EPHX2: variants seen among roughly 807,000 people sequenced by gnomAD.
The protein encoded by EPHX2 is epoxide hydrolase 2, also known as bifunctional epoxide hydrolase 2.
In EPHX2, 74 loss-of-function variants were observed where a neutral mutation model predicts 78.7. The observed-to-expected ratio is 0.94, with a 90% confidence interval of 0.78 to 1.14. EPHX2 has a LOEUF of 1.14. Ranked by LOEUF, EPHX2 falls within the 50% of genes most tolerant of loss-of-function variation. The pLI, the probability that EPHX2 is intolerant of heterozygous loss-of-function variation, is 0.00. For missense variants in EPHX2, 715 were observed against 702.5 expected, an observed-to-expected ratio of 1.02 and a Z score of -0.20; for synonymous variants, 251 against 255.2, an observed-to-expected ratio of 0.98 and a Z score of 0.16.
intron 6 of EPHX2, chr8:27,512,186 T>C (rs1240033861): frequency 5.1e-6 from 2 of 395,508 alleles, no homozygotes; most frequent in Non-Finnish European, 9.3e-6. Flanking sequence ...GGAAATGTTA[T>C]TTCCCACAAA....
At chr8:27,533,941 T>A (rs1815127781) in intron 12 of EPHX2, among the ~76,000 whole-genome samples, 1 of 152,178 alleles carries the variant, frequency 6.6e-6, no homozygotes, top group Non-Finnish European at 1.5e-5. Context: ...AAAGGATCAT[T>A]TGAGGCAAAG....
At chr8:27,515,990 G>A (rs761006553) in intron 7 of EPHX2, among the ~76,000 whole-genome samples, 177 bp downstream of exon 7, 1 of 152,222 alleles carries the variant, frequency 6.6e-6, no homozygotes, top group African/African-American at 2.4e-5. Flanking sequence ...GTTAGGCCAC[G>A]AGGCACTTTT....
intron 12 of EPHX2, among the ~76,000 whole-genome samples, chr8:27,525,782 C>T (rs868304584): frequency 5.9e-5 from 9 of 152,320 alleles, no homozygotes; most frequent in African/African-American, 2.2e-4. Context: ...TGCCCCTCCT[C>T]ATTCTCTGGC....
At chr8:27,515,860 A>G in intron 7 of EPHX2, 47 bp downstream of exon 7, 6 of 1,532,264 alleles carry the variant, frequency 3.9e-6, no homozygotes, top group Non-Finnish European at 5.4e-6. Context: ...AGGTTGGGGG[A>G]GTCTAGATGG....
downstream of EPHX2, among the ~76,000 whole-genome samples, chr8:27,546,839 G>C (rs1187921510): frequency 6.6e-6 from 1 of 152,184 alleles, no homozygotes; most frequent in Non-Finnish European, 1.5e-5. Context: ...CGAACTACTG[G>C]AGACTGGCTA....
At chr8:27,543,642 TACA>T (rs1157668403) in intron 16 of EPHX2, 104 bp from the exon 17 acceptor site, 5 of 1,122,830 alleles carry the variant, frequency 4.5e-6, no homozygotes, top group Non-Finnish European at 3.9e-6. Context: ...GTTCGGCAGA[TACA>T]ACGTCAGGAC....
downstream of EPHX2, chr8:27,545,624 T>G (rs1815561153): frequency 6.6e-6 from 1 of 152,122 alleles, no homozygotes; most frequent in African/African-American, 2.4e-5. Flanking sequence ...ACTTACCCAT[T>G]CTTTGCCTGG....
intron 3 of EPHX2, 129 bp downstream of exon 3, chr8:27,503,892 C>T: frequency 8.3e-7 from 1 of 1,208,840 alleles, no homozygotes; most frequent in African/African-American, 1.5e-5. Flanking sequence ...CCTCTTTAAA[C>T]ATGGCCCCAA....
rs1220811349 is a variant in EPHX2, at chr8:27,518,053, G to T, written c.926G>T (p.Cys309Phe). Residue 309 changes from cysteine to phenylalanine, a missense_variant, in exon 9 of 19, where the codon TGC (cysteine) becomes TTC (phenylalanine). Physicochemically the swap from Cys to Phe is radical, Grantham distance 205. Coordinates refer to ENST00000521400, the MANE Select transcript of EPHX2 (RefSeq NM_001979.6). ...TTAATTGCAGAAATAGAAGAATATT[G>T]CATGGAAGTGTTATGTAAGGTAAGA... ...SSAPPEIEEY[C>F]MEVLCKEMVT... is the part of the protein sequence containing the mutation. 1 of 1,597,784 alleles carries T rather than the reference G, an allele frequency of 6.3e-7. No homozygotes were observed. Among genetic ancestry groups the T allele is most frequent in the Admixed American group, 1.8e-5 (1 of 55,996 alleles).
intron 1 of EPHX2, 115 bp downstream of exon 1, chr8:27,491,424 G>A (rs1373399794): frequency 4.0e-6 from 3 of 750,432 alleles, no homozygotes; most frequent in Non-Finnish European, 6.0e-6. Context: ...CGAATCATGC[G>A]AATCATGAAA....
At chr8:27,538,633 G>T in intron 13 of EPHX2, 26 bp from the exon 14 acceptor site, 1 of 1,602,872 alleles carries the variant, frequency 6.2e-7, no homozygotes. Context: ...GACATCATTT[G>T]TAACTCTTTT....
intron 1 of EPHX2, among the ~76,000 whole-genome samples, chr8:27,497,172 TG>T (rs977523309): frequency 6.6e-6 from 1 of 152,190 alleles, no homozygotes; most frequent in African/African-American, 2.4e-5. Flanking sequence ...TAAACTTACC[TG>T]GGGCTCAGTC....
At position 27,544,562 on chromosome 8, in the gene EPHX2, TC is replaced by T; in HGVS notation, c.*42del. 1 of 1,601,208 alleles carries T rather than the reference TC, an allele frequency of 6.2e-7. No homozygotes were observed. The highest frequency in any genetic ancestry group is 8.5e-7 in the Non-Finnish European group (1 of 1,169,590). On this transcript the variant is annotated 3_prime_UTR_variant, in exon 19 of 19. Coordinates refer to ENST00000521400, the MANE Select transcript of EPHX2 (RefSeq NM_001979.6). ...CCACGCTCAGCAGGTGTGCCATCCT[TC>T]CACCTGCTGGGGCACCATTCTTAGT...
At chr8:27,516,917 C>CCT (rs1814476996) in intron 8 of EPHX2, among the ~76,000 whole-genome samples, 1 of 144,192 alleles carries the variant, frequency 6.9e-6, no homozygotes, top group African/African-American at 2.7e-5. Context: ...AATTTCCTTC[C>CCT]TATTTTTTTT....
chr8:27,500,212 A>G (rs1436213300), intron 1 of EPHX2, among the ~76,000 whole-genome samples: 1 of 152,056 alleles, frequency 6.6e-6, no homozygotes, highest in East Asian at 1.9e-4. Flanking sequence ...GTGAGTTCTC[A>G]TGAGATCTAG....
Position 27,501,324 on chromosome 8 carries a change from T to TTCTTC in EPHX2, c.186+315_186+316insCTTCT, listed in dbSNP as rs1813761423. On this transcript the variant is annotated intron_variant, in intron 2 of 18. Coordinates refer to ENST00000521400, the MANE Select transcript of EPHX2 (RefSeq NM_001979.6). Reference sequence around the variant, plus strand: ...TAAGAAAGAGGGAAATGCTATATATTTTCTTCTTCTTCTTCTTCTTCTTCT... The same window carrying TTCTTC: ...TAAGAAAGAGGGAAATGCTATATATTTCTTCTTCTTCTTCTTCTTCTTCTTCTTCT... Among the ~76,000 whole-genome samples the TTCTTC allele has an allele frequency of 3.3e-4, 34 of 103,010 alleles. No individual in the cohort carries two copies. The South Asian group carries it at 3.9e-3, about 12-fold the overall frequency. The allele number at this position is 103,010 out of a possible 152,430, so 67.6% of individuals were successfully genotyped here.
chr8:27,491,866 A>G (rs566562829), intron 1 of EPHX2, among the ~76,000 whole-genome samples: 9 of 152,332 alleles, frequency 5.9e-5, no homozygotes, highest in East Asian at 1.9e-4. Flanking sequence ...TACATGCAGA[A>G]AAGTGCCTGA....
downstream of EPHX2, among the ~76,000 whole-genome samples, chr8:27,547,239 A>G (rs1451363716): frequency 1.3e-5 from 2 of 152,196 alleles, no homozygotes; most frequent in Admixed American, 6.5e-5. Context: ...TCAAGAAGAT[A>G]GTGGAATGTC....
At chr8:27,494,798 T>A (rs535174613) in intron 1 of EPHX2, among the ~76,000 whole-genome samples, 3 of 152,380 alleles carry the variant, frequency 2.0e-5, no homozygotes, top group African/African-American at 7.2e-5. Flanking sequence ...GTGGAGGGTC[T>A]TAAGTATTTT....
Sources: gnomAD v4.1 joint callset for allele counts (sites outside exome capture counted in the v4.1 genomes callset) on GRCh38, gnomAD v4.1.1 for gene constraint, MANE v1.5 for transcripts, NCBI Gene and HGNC (gene_info 2026-07-23, HGNC 2026-07-21) for gene names.